The following ITIH5 variants were observed in gnomAD, a reference collection of about 807,000 sequenced individuals.
The protein encoded by ITIH5 is inter-alpha-trypsin inhibitor heavy chain 5.
A neutral mutation model predicts 77.5 loss-of-function variants in ITIH5; 65 were observed. The ratio of observed to expected loss-of-function variants is 0.84; its 90% CI spans 0.69 to 1.03. ITIH5 has a LOEUF of 1.03. Among genes scored for constraint, ITIH5 ranks in the 50% least tolerant of loss-of-function variants. The probability of loss-of-function intolerance (pLI) is 0.00; values close to 1 mark genes in which losing one functional copy is unlikely to be tolerated. For synonymous variants in ITIH5, 525 were observed against 494.3 expected, an observed-to-expected ratio of 1.06 and a Z score of -0.82; for missense variants, 1,208 against 1,213.1, an observed-to-expected ratio of 1.00 and a Z score of 0.06.
Position 7,576,675 on chromosome 10 carries a change from G to A in ITIH5, c.1756C>T (p.Leu586=), listed in dbSNP as rs972956799. The A allele has an allele frequency of 2.5e-6, 4 of 1,614,036 alleles. No individual in the cohort carries two copies. The African/African-American group carries it at 4.0e-5, about 16-fold the overall frequency. The change falls in exon 10 of 14, where the codon CTG becomes TTG. Residue 586 remains leucine, a synonymous_variant. Transcript: ENST00000397146. ...TCGTCACTTTGCAGCCAGGAGCTCAGCAGCTCCTTTGTGGTGAGGTAGCTC... is the reference window on the plus strand; with the variant it reads ...TCGTCACTTTGCAGCCAGGAGCTCAACAGCTCCTTTGTGGTGAGGTAGCTC... ...LWSYLTTKEL[L]SSWLQSDDEP...
intron 5 of ITIH5, chr10:7,618,752 G>A (rs1833417983): frequency 6.6e-6 from 1 of 152,226 alleles, no homozygotes; most frequent in East Asian, 1.9e-4. Context: ...AAAAGGAAAT[G>A]AGGCGTTAAG....
chr10:7,578,109 C>T (rs530063325), intron 9 of ITIH5, among the ~76,000 whole-genome samples: 1 of 152,286 alleles, frequency 6.6e-6, no homozygotes, highest in South Asian at 2.1e-4. Context: ...AATCCTGTAG[C>T]ATTAAGGACA....
chr10:7,646,767 C>G (rs1021141649), intron 2 of ITIH5, among the ~76,000 whole-genome samples: 1 of 152,146 alleles, frequency 6.6e-6, no homozygotes, highest in Non-Finnish European at 1.5e-5. Context: ...CAGCATGGGC[C>G]ACTACACATG....
At position 7,640,864 on chromosome 10, in the gene ITIH5, C is replaced by T. The variant is rs746462825; in HGVS notation, c.300-9G>A. The stretch of plus-strand genomic sequence containing the variant: ...CCTTGTCTCCAATAAGCCTGAAATA[C>T]AAGAGACAGTTGTGCTACCAGCTTG... On this transcript the variant is annotated splice_polypyrimidine_tract_variant and intron_variant, in intron 3 of 13. Coordinates refer to ENST00000397146, the MANE Select transcript of ITIH5 (RefSeq NM_030569.7). 6.3e-7 allele frequency: 1 copy of T among 1,582,952 alleles called. No individual in the cohort carries two copies. Among genetic ancestry groups the T allele is most frequent in the Middle Eastern group, 1.7e-4 (1 of 6,008 alleles).
chr10:7,565,218 T>C (rs1832123636), intron 13 of ITIH5, among the ~76,000 whole-genome samples: 1 of 148,030 alleles, frequency 6.8e-6, no homozygotes, highest in Non-Finnish European at 1.5e-5. Flanking sequence ...ACACACATCA[T>C]ACATACATAT....
At position 7,576,860 on chromosome 10, in the gene ITIH5, T is replaced by G; in HGVS notation, c.1571A>C (p.Asp524Ala). 1.2e-6 allele frequency: 2 copies of G among 1,614,170 alleles called. No homozygotes were observed. Among genetic ancestry groups the G allele is most frequent in the Non-Finnish European group, 1.7e-6 (2 of 1,180,030 alleles). The part of the protein sequence containing the change: ...IAGKLVDRKL[D>A]HLHVEVTASN... ...GGCGGTGACCTCCACGTGCAGGTGA[T>G]CCAGCTTCCTGTCCACCAGCTTCCC... Residue 524 changes from aspartate to alanine, a missense_variant, in exon 10 of 14, where the codon GAT becomes GCT. Asp to Ala is a moderately radical substitution (Grantham distance 126). Transcript: ENST00000397146.
chr10:7,565,645 T>TA (rs1221931779), intron 13 of ITIH5, among the ~76,000 whole-genome samples: 2 of 148,704 alleles, frequency 1.3e-5, no homozygotes, highest in African/African-American at 4.9e-5. Flanking sequence ...GTATAGACTG[T>TA]ATATATATAC....
intron 8 of ITIH5, among the ~76,000 whole-genome samples, chr10:7,580,800 A>G (rs1242770816): frequency 2.0e-5 from 3 of 152,164 alleles, no homozygotes; most frequent in Non-Finnish European, 4.4e-5. Flanking sequence ...GGTGGAGCTG[A>G]TGAAAGAATG....
intron 7 of ITIH5, among the ~76,000 whole-genome samples, chr10:7,591,688 C>T (rs1010004302): frequency 2.0e-5 from 3 of 152,032 alleles, no homozygotes; most frequent in South Asian, 2.1e-4. Context: ...TACACATGAA[C>T]TTCCAAGAGA....
At chr10:7,564,694 T>C (rs1265579860) in intron 13 of ITIH5, among the ~76,000 whole-genome samples, 2 of 151,834 alleles carry the variant, frequency 1.3e-5, no homozygotes, top group African/African-American at 2.4e-5. Flanking sequence ...AATGTATCCC[T>C]GTCATTAAGC....
At chr10:7,619,663 A>C (rs1396285153) in intron 5 of ITIH5, 2 of 290,594 alleles carry the variant, frequency 6.9e-6, no homozygotes, top group Non-Finnish European at 7.4e-6. Context: ...ACAAGGCGGC[A>C]GGAGCGAGAG....
At chr10:7,567,105 G>A (rs949635719) in intron 12 of ITIH5, among the ~76,000 whole-genome samples, 5 of 151,710 alleles carry the variant, frequency 3.3e-5, no homozygotes, top group African/African-American at 4.8e-5. Flanking sequence ...TTTTACTGTT[G>A]TCTGACCAGT....
intron 7 of ITIH5, among the ~76,000 whole-genome samples, chr10:7,587,873 C>T (rs1382306041): frequency 6.6e-6 from 1 of 152,138 alleles, no homozygotes; most frequent in Non-Finnish European, 1.5e-5. Context: ...TTCCTCCTTC[C>T]CCAGGTTCAG....
At chr10:7,616,915 T>C (rs780033550) in intron 6 of ITIH5, among the ~76,000 whole-genome samples, 198 bp downstream of exon 6, 7 of 152,186 alleles carry the variant, frequency 4.6e-5, no homozygotes, top group Non-Finnish European at 8.8e-5. Flanking sequence ...TCACTTGCGC[T>C]GCAGATTACT....
At chr10:7,663,013 T>C (rs1225063081) in intron 1 of ITIH5, among the ~76,000 whole-genome samples, 1 of 152,218 alleles carries the variant, frequency 6.6e-6, no homozygotes, top group Non-Finnish European at 1.5e-5. Flanking sequence ...ATCACCACAA[T>C]AGATGTTTGA....
intron 7 of ITIH5, among the ~76,000 whole-genome samples, chr10:7,587,013 A>G (rs1832693306): frequency 6.6e-6 from 1 of 152,154 alleles, no homozygotes; most frequent in Non-Finnish European, 1.5e-5. Context: ...GTACTTTAGT[A>G]GAGACAGGGT....
intron 7 of ITIH5, among the ~76,000 whole-genome samples, chr10:7,615,024 G>T (rs1833335995): frequency 6.6e-6 from 1 of 152,144 alleles, no homozygotes; most frequent in Admixed American, 6.6e-5. Context: ...GAGACAGGTG[G>T]ATACCTAAGG....
chr10:7,665,575 G>A (rs1834348496), intron 1 of ITIH5, among the ~76,000 whole-genome samples: 1 of 152,204 alleles, frequency 6.6e-6, no homozygotes, highest in African/African-American at 2.4e-5. Context: ...CTGGTACCAA[G>A]CCCATGCCTT....
chr10:7,580,617 G>T (rs747651696), intron 8 of ITIH5, among the ~76,000 whole-genome samples: 4 of 152,220 alleles, frequency 2.6e-5, no homozygotes, highest in Non-Finnish European at 4.4e-5. Context: ...AGCTTCAATG[G>T]CTTCTGTGCC....
Sources: gnomAD v4.1 joint callset for allele counts (sites outside exome capture counted in the v4.1 genomes callset) on GRCh38, gnomAD v4.1.1 for gene constraint, MANE v1.5 for transcripts, NCBI Gene and HGNC (gene_info 2026-07-23, HGNC 2026-07-21) for gene names.